The following CRADD variants were observed in gnomAD, a reference collection of about 807,000 sequenced individuals.
The protein encoded by CRADD is death domain-containing protein CRADD.
In CRADD, 9 loss-of-function variants were observed where a neutral mutation model predicts 15.5. The ratio of observed to expected loss-of-function variants is 0.58; its 90% CI spans 0.35 to 1.01. The LOEUF is 1.01. Among genes scored for constraint, CRADD ranks in the 50% least tolerant of loss-of-function variants. CRADD has a pLI of 0.02. For missense variants in CRADD, 227 were observed against 250.3 expected, an observed-to-expected ratio of 0.91 and a Z score of 0.63; for synonymous variants, 118 against 107.6, an observed-to-expected ratio of 1.10 and a Z score of -0.60.
chr12:93,714,366 A>C (rs566198559), intron 2 of CRADD, among the ~76,000 whole-genome samples: 1 of 152,206 alleles, frequency 6.6e-6, no homozygotes, highest in Non-Finnish European at 1.5e-5. Context: ...ATTTTATTTC[A>C]CTCCCTGTGC....
intron 2 of CRADD, among the ~76,000 whole-genome samples, chr12:93,759,721 G>A (rs1403146493): frequency 6.6e-6 from 1 of 151,984 alleles, no homozygotes; most frequent in Admixed American, 6.6e-5. Context: ...TGGTACACAG[G>A]TTTACAGGCA....
chr12:93,864,939 G>A (rs1469381711), intron 2 of CRADD, among the ~76,000 whole-genome samples: 1 of 152,220 alleles, frequency 6.6e-6, no homozygotes, highest in East Asian at 1.9e-4. Context: ...TTTGTTGAGT[G>A]CTTAGAACAG....
intron 2 of CRADD, among the ~76,000 whole-genome samples, chr12:93,693,006 AGTT>A (rs1305117922): frequency 2.0e-5 from 3 of 152,172 alleles, no homozygotes; most frequent in African/African-American, 7.2e-5. Context: ...ATCAAAATTG[AGTT>A]GTTATCAGCT....
chr12:93,886,917 C>T (rs1212529655), intron 2 of CRADD, among the ~76,000 whole-genome samples: 1 of 152,226 alleles, frequency 6.6e-6, no homozygotes, highest in East Asian at 1.9e-4. Flanking sequence ...AATATTTATT[C>T]ACTGCCTACC....
chr12:93,766,371 G>C lies in CRADD; in HGVS notation c.299-83599G>C, dbSNP rs564369915. Reference sequence around the variant, plus strand: ...TTAGCCAAAAATGTGCAGTCCTTTAGTGATGAGAATGTAATAATGGAATAC... The same window carrying C: ...TTAGCCAAAAATGTGCAGTCCTTTACTGATGAGAATGTAATAATGGAATAC... On this transcript the variant is annotated intron_variant, in intron 2 of 2. Coordinates refer to ENST00000332896, the MANE Select transcript of CRADD (RefSeq NM_003805.5). Among the ~76,000 whole-genome samples, 284 of 152,240 alleles carry C rather than the reference G, an allele frequency of 1.9e-3. 1 individual carries two copies. The highest frequency in any genetic ancestry group is 6.8e-3 in the Middle Eastern group (2 of 294).
intron 2 of CRADD, among the ~76,000 whole-genome samples, chr12:93,786,240 A>G (rs746429590): frequency 8.5e-5 from 13 of 152,234 alleles, no homozygotes; most frequent in Non-Finnish European, 1.5e-4. Flanking sequence ...TAAACTCCAC[A>G]GTTGAGAGAT....
At chr12:93,760,814 C>A (rs1236546280) in intron 2 of CRADD, among the ~76,000 whole-genome samples, 2 of 152,034 alleles carry the variant, frequency 1.3e-5, no homozygotes, top group Non-Finnish European at 2.9e-5. Flanking sequence ...CTGCTGATTT[C>A]TTTAGTGATG....
chr12:93,809,369 C>T (rs551524604), intron 2 of CRADD, among the ~76,000 whole-genome samples: 5 of 152,288 alleles, frequency 3.3e-5, no homozygotes, highest in South Asian at 2.1e-4. Context: ...TGAGGAACAT[C>T]GGTGTTCTGG....
At chr12:93,776,199 G>A (rs547662572) in intron 2 of CRADD, among the ~76,000 whole-genome samples, 1 of 152,200 alleles carries the variant, frequency 6.6e-6, no homozygotes, top group Admixed American at 6.5e-5. Flanking sequence ...CAACAGAATA[G>A]TGGTCCACTG....
chr12:93,788,887 G>A (rs920779640), intron 2 of CRADD, among the ~76,000 whole-genome samples: 3 of 152,122 alleles, frequency 2.0e-5, no homozygotes, highest in Non-Finnish European at 4.4e-5. Flanking sequence ...GTGGATGTTA[G>A]TCCCTGTCGT....
intron 2 of CRADD, chr12:93,708,272 T>C (rs532960938): frequency 3.9e-5 from 6 of 152,046 alleles, no homozygotes; most frequent in African/African-American, 1.4e-4. Context: ...AAAGTACAGG[T>C]GATAAGAGCA....
rs3030268 is a variant in CRADD at position 93,773,813 on chromosome 12, G to GTTTTTT, written c.299-76140_299-76135dup. Among the ~76,000 whole-genome samples the GTTTTTT allele has an allele frequency of 5.3e-3, 460 of 87,494 alleles. 12 individuals are homozygous for GTTTTTT. Among genetic ancestry groups the GTTTTTT allele is most frequent in the East Asian group, 0.01 (23 of 2,224 alleles). 57.4% of individuals were successfully genotyped at this position (87,494 alleles called of 152,430 possible). ...ACTCATAGCCATACCTACTTTGTGAGTTTTTTTTTTTTTTTTTTTTTTGAG... is the reference window on the plus strand; with the variant it reads ...ACTCATAGCCATACCTACTTTGTGAGTTTTTTTTTTTTTTTTTTTTTTTTTTTTGAG... On this transcript the variant is annotated intron_variant, in intron 2 of 2. Coordinates refer to ENST00000332896, the MANE Select transcript of CRADD (RefSeq NM_003805.5).
At chr12:93,836,742 C>T (rs1002508327) in intron 2 of CRADD, among the ~76,000 whole-genome samples, 15 of 152,178 alleles carry the variant, frequency 9.9e-5, no homozygotes, top group Admixed American at 3.3e-4. Flanking sequence ...CATTCATTCA[C>T]TCATCCAGCA....
At chr12:93,683,374 T>A (rs911986902) in intron 2 of CRADD, among the ~76,000 whole-genome samples, 1 of 152,206 alleles carries the variant, frequency 6.6e-6, no homozygotes, top group African/African-American at 2.4e-5. Flanking sequence ...CCTCCGTTGG[T>A]TTGATTCATG....
Position 93,797,654 on chromosome 12 carries a change from C to T in CRADD, c.299-52316C>T, listed in dbSNP as rs889221963. 5.3e-5 allele frequency among the ~76,000 whole-genome samples: 8 copies of T among 152,108 alleles called. No individual in the cohort carries two copies. In the East Asian group the frequency reaches 7.7e-4, roughly 15 times the overall value. ...TTTGCCAAAAGAATTTTAAAACCAC[C>T]GCAATAGGTAACTCAACTGCTGGTA... On this transcript the variant is annotated intron_variant, in intron 2 of 2. Transcript: ENST00000332896.
At chr12:93,716,025 G>A (rs980059469) in intron 2 of CRADD, among the ~76,000 whole-genome samples, 4 of 151,798 alleles carry the variant, frequency 2.6e-5, no homozygotes, top group Non-Finnish European at 5.9e-5. Context: ...CAAGCTACTC[G>A]GGAGGCTGAG....
At chr12:93,891,474 G>A (rs775377962) in intron 2 of CRADD, among the ~76,000 whole-genome samples, 9 of 152,202 alleles carry the variant, frequency 5.9e-5, no homozygotes, top group Non-Finnish European at 8.8e-5. Context: ...GTGACAGAGC[G>A]ACACTCCGTG....
chr12:93,718,412 G>A (rs565574074), intron 2 of CRADD, among the ~76,000 whole-genome samples: 70 of 152,152 alleles, frequency 4.6e-4, no homozygotes, highest in African/African-American at 1.5e-3. Flanking sequence ...TCTTTGGGGG[G>A]GTGCTAATGT....
chr12:93,784,544 A>G (rs1957253641), intron 2 of CRADD, among the ~76,000 whole-genome samples: 1 of 152,028 alleles, frequency 6.6e-6, no homozygotes, highest in Non-Finnish European at 1.5e-5. Flanking sequence ...GTGCTAATCC[A>G]CAGCTGTCAT....
Sources: gnomAD v4.1 joint callset for allele counts (sites outside exome capture counted in the v4.1 genomes callset) on GRCh38, gnomAD v4.1.1 for gene constraint, MANE v1.5 for transcripts, NCBI Gene and HGNC (gene_info 2026-07-23, HGNC 2026-07-21) for gene names.